The following FHL2 variants were observed in gnomAD, a reference collection of about 807,000 sequenced individuals.
FHL2 encodes the protein four and a half LIM domains 2, also known as four and a half LIM domains protein 2.
Under a neutral mutation model 32.7 loss-of-function variants are expected in FHL2, and 20 were observed. That is an observed-to-expected ratio of 0.61 (90% CI 0.43 to 0.89). The LOEUF is 0.89. FHL2 is among the 40% of genes least tolerant of loss of function. The pLI, the probability that FHL2 is intolerant of heterozygous loss-of-function variation, is 0.00. For synonymous variants in FHL2, 123 were observed against 128.1 expected (o/e 0.96, Z 0.27); for missense variants, 311 against 358.6 (o/e 0.87, Z 1.07).
At chr2:105,427,975 A>G (rs1394022771) in intron 1 of FHL2, among the ~76,000 whole-genome samples, 2 of 152,186 alleles carry the variant, frequency 1.3e-5, no homozygotes. Flanking sequence ...CTTTATTCTT[A>G]TTGCTTTGTC....
intron 1 of FHL2, among the ~76,000 whole-genome samples, chr2:105,423,788 T>C (rs530945019): frequency 1.2e-4 from 19 of 152,260 alleles, no homozygotes; most frequent in Admixed American, 6.5e-4. Flanking sequence ...GGATTCCCAA[T>C]TATATAAATG....
chr2:105,390,466 C>T (rs1682644480), intron 2 of FHL2, among the ~76,000 whole-genome samples: 1 of 152,198 alleles, frequency 6.6e-6, no homozygotes, highest in African/African-American at 2.4e-5. Context: ...CCTAATTCTA[C>T]AGAATTCTTT....
At chr2:105,359,092 C>G (rs150672820), downstream of FHL2, 2 of 152,172 alleles carry the variant, frequency 1.3e-5, no homozygotes, top group African/African-American at 4.8e-5. Context: ...TGCTTTGGAT[C>G]GTGCTCCAGT....
At chr2:105,399,106 T>G, upstream of FHL2, 1 of 1,453,428 alleles carries the variant, frequency 6.9e-7, no homozygotes, top group Non-Finnish European at 9.0e-7. Flanking sequence ...TTTGACCATA[T>G]AAGGAGATGC....
intron 1 of FHL2, among the ~76,000 whole-genome samples, chr2:105,405,160 C>G: frequency 6.6e-6 from 1 of 152,222 alleles, no homozygotes; most frequent in East Asian, 1.9e-4. Flanking sequence ...CTCTTTGTCT[C>G]TGATTTCAGT....
intron 1 of FHL2, among the ~76,000 whole-genome samples, chr2:105,414,277 C>A (rs1683870655): frequency 2.6e-5 from 4 of 152,150 alleles, no homozygotes; most frequent in Admixed American, 2.6e-4. Context: ...CCATCTGAAC[C>A]CTGCCCTTTA....
chr2:105,377,784 G>A (rs1051644281), intron 3 of FHL2: 25 of 315,626 alleles, frequency 7.9e-5, no homozygotes, highest in Middle Eastern at 1.1e-3. Context: ...TGACCCAAGA[G>A]TCACTGTCTG....
rs777604080 is a variant in FHL2, at chr2:105,360,878, C to T, written c.*405G>A. 78 of 158,088 alleles carry T rather than the reference C, an allele frequency of 4.9e-4. No individual in the cohort carries two copies. The highest frequency in any genetic ancestry group is 8.2e-4 in the Non-Finnish European group (59 of 71,804). 9.8% of individuals were successfully genotyped at this position (158,088 alleles called of 1,614,324 possible). A position where few individuals can be genotyped will look rare whatever the true frequency, so the allele number is the denominator to read the frequency against. On this transcript the variant is annotated 3_prime_UTR_variant, in exon 7 of 7. Coordinates refer to ENST00000530340, the MANE Select transcript of FHL2 (RefSeq NM_001318895.3). The stretch of plus-strand genomic sequence containing the variant: ...TCACATAATCTTGGTTTAGACTTGA[C>T]GCAACGGGAGGTTACAGAGCTGTAA...
At chr2:105,399,315 G>A (rs1348847640), upstream of FHL2, 3 of 1,535,734 alleles carry the variant, frequency 2.0e-6, no homozygotes, top group Non-Finnish European at 2.6e-6. Context: ...GCTCTCGGGC[G>A]CGAGTTTCGG....
intron 1 of FHL2, among the ~76,000 whole-genome samples, chr2:105,430,849 A>C (rs1684411701): frequency 1.3e-5 from 2 of 152,214 alleles, no homozygotes; most frequent in Non-Finnish European, 2.9e-5. Context: ...GAATCAGAGC[A>C]GACAGGCCTT....
rs78623097 is a variant in FHL2, at chr2:105,383,908, G to A, written c.156+2453C>T. Among the ~76,000 whole-genome samples, 1,224 of 152,196 alleles carry A rather than the reference G, an allele frequency of 8.0e-3. 14 individuals carry two copies. The highest frequency in any genetic ancestry group is 0.028 in the African/African-American group (1,158 of 41,508). On this transcript the variant is annotated intron_variant, in intron 3 of 6. Coordinates refer to ENST00000530340, the MANE Select transcript of FHL2 (RefSeq NM_001318895.3). Reference sequence around the variant, plus strand: ...ACAAAATCATACAGTGTAACCCCACGTATCTCAAAACATTAATCCGGGTTG... The same window carrying A: ...ACAAAATCATACAGTGTAACCCCACATATCTCAAAACATTAATCCGGGTTG...
At chr2:105,387,873 A>T (rs1163370282) in intron 2 of FHL2, among the ~76,000 whole-genome samples, 4 of 152,224 alleles carry the variant, frequency 2.6e-5, no homozygotes, top group African/African-American at 9.6e-5. Context: ...CAGCGATGAC[A>T]GATTGGATAA....
intron 1 of FHL2, among the ~76,000 whole-genome samples, chr2:105,410,960 C>T (rs1321684657): frequency 6.6e-6 from 1 of 152,216 alleles, no homozygotes; most frequent in Non-Finnish European, 1.5e-5. Flanking sequence ...GGGACCAGTA[C>T]ATAGAAGGTG....
chr2:105,429,581 G>A (rs1354299318), intron 1 of FHL2, among the ~76,000 whole-genome samples: 1 of 152,206 alleles, frequency 6.6e-6, no homozygotes, highest in African/African-American at 2.4e-5. Context: ...TCCTTCTCTA[G>A]AGCCTCCAGA....
intron 1 of FHL2, among the ~76,000 whole-genome samples, chr2:105,404,708 T>A (rs1683573104): frequency 2.0e-5 from 3 of 152,226 alleles, no homozygotes; most frequent in Admixed American, 2.0e-4. Context: ...AAAGCTCAGC[T>A]TTCCACAAAG....
At chr2:105,397,760 G>T (rs889990830) in intron 1 of FHL2, among the ~76,000 whole-genome samples, 2 of 152,140 alleles carry the variant, frequency 1.3e-5, no homozygotes, top group Non-Finnish European at 2.9e-5. Context: ...AGTAACACTT[G>T]ACAAAATTTT....
chr2:105,404,958 GGAGCGTC>G (rs1300031168), intron 1 of FHL2, among the ~76,000 whole-genome samples: 1 of 152,140 alleles, frequency 6.6e-6, no homozygotes, highest in African/African-American at 2.4e-5. Context: ...GAGTTTATTT[GGAGCGTC>G]GGATACAGTT....
intron 1 of FHL2, among the ~76,000 whole-genome samples, chr2:105,414,652 A>G (rs1272200518): frequency 6.6e-6 from 1 of 152,200 alleles, no homozygotes; most frequent in Non-Finnish European, 1.5e-5. Flanking sequence ...TCCTGAGTTC[A>G]AGCAATTCTC....
chr2:105,386,175 T>C (rs750583552), intron 3 of FHL2, 186 bp downstream of exon 3: 6 of 574,646 alleles, frequency 1.0e-5, no homozygotes, highest in African/African-American at 3.7e-5. Flanking sequence ...CACCCAGTGC[T>C]TGTGGGCAGA....
Sources: gnomAD v4.1 joint callset for allele counts (sites outside exome capture counted in the v4.1 genomes callset) on GRCh38, gnomAD v4.1.1 for gene constraint, MANE v1.5 for transcripts, NCBI Gene and HGNC (gene_info 2026-07-23, HGNC 2026-07-21) for gene names.